The following RNF166 variants were observed in gnomAD, a reference collection of about 807,000 sequenced individuals.
The protein encoded by RNF166 is ring finger protein 166, also known as E3 ubiquitin-protein ligase RNF166.
A neutral mutation model predicts 29.4 loss-of-function variants in RNF166; 19 were observed. The observed-to-expected ratio is 0.65, with a 90% CI of 0.45 to 0.95. The LOEUF is 0.95. Among genes scored for constraint, RNF166 ranks in the 40% least tolerant of loss-of-function variants. RNF166 has a pLI of 0.00. For missense variants in RNF166, 347 were observed against 322.1 expected (o/e 1.08, Z -0.59); for synonymous variants, 171 against 134.5 (o/e 1.27, Z -1.88).
In RNF166 at chr16:88,706,110, G is replaced by T. The variant is rs556630785; in HGVS notation, c.155+61C>A. 1.2e-3 allele frequency: 1,279 copies of T among 1,063,530 alleles called. 11 individuals are homozygous for T. The African/African-American group carries it at 0.02, about 17-fold the overall frequency. 65.9% of individuals were successfully genotyped at this position (1,063,530 alleles called of 1,614,324 possible). On this transcript the variant is annotated intron_variant, in intron 1 of 5. Coordinates refer to ENST00000312838, the MANE Select transcript of RNF166 (RefSeq NM_178841.4). ...CTGCACCGGGGCGGCCGCCGGCCTC[G>T]CGACCCCTCCCGCGGCGGGGCACGG...
Position 88,698,982 on chromosome 16 carries a change from G to C in RNF166, c.529C>G (p.Pro177Ala). ...KHCVESHRSD[P>A]NRVVCPICSA... ...CAGGCACTGCTCACCACGCGGTTGG[G>C]GTCGCTGCGGTGGCTTTCCACACAG... is the stretch of plus-strand genomic sequence containing the variant. The change falls in exon 4 of 6, where the codon CCC becomes GCC. Residue 177 changes from proline to alanine, a missense_variant. Transcript: ENST00000312838. The C allele has an allele frequency of 1.3e-6, 2 of 1,595,344 alleles. No individual in the cohort carries two copies. The highest frequency in any genetic ancestry group is 1.7e-6 in the Non-Finnish European group (2 of 1,171,032).
In RNF166 at chr16:88,696,667, G is replaced by C. The variant is rs1378269498; in HGVS notation, c.*901C>G. 2.3e-6 allele frequency: 1 copy of C among 438,544 alleles called. No individual in the cohort carries two copies. The highest frequency in any genetic ancestry group is 4.5e-6 in the Non-Finnish European group (1 of 222,660). 27.2% of individuals were successfully genotyped at this position (438,544 alleles called of 1,614,324 possible). ...GGGTGCCGTCCCCTCCCGCAGCGGGGCACAGTCAGCTTTGAAGGTGACAGC... is the reference window on the plus strand; with the variant it reads ...GGGTGCCGTCCCCTCCCGCAGCGGGCCACAGTCAGCTTTGAAGGTGACAGC... On this transcript the variant is annotated 3_prime_UTR_variant, in exon 6 of 6. Transcript: ENST00000312838.
intron 1 of RNF166, chr16:88,703,073 CT>C (rs1385922911): frequency 1.0e-6 from 1 of 985,468 alleles, no homozygotes; most frequent in Admixed American, 6.1e-5. Context: ...ACCGGAAGGC[CT>C]GGAAAACAGT....
At chr16:88,701,168 G>A in intron 2 of RNF166, 94 bp downstream of exon 2, 1 of 1,499,442 alleles carries the variant, frequency 6.7e-7, no homozygotes, top group South Asian at 1.1e-5. Context: ...ACAGGAAAGA[G>A]AGAGGGCCCC....
At position 88,706,257 on chromosome 16, in the gene RNF166, G is replaced by A. The variant is rs1910791396; in HGVS notation, c.69C>T (p.Gly23=). ...QRQPPAGPAG[G]DSGLEAQYTC... ...TGTACTGCGCCTCCAGGCCGCTGTCGCCGCCCGCCGGCCCGGCCGGCGGCT... is the reference window on the plus strand; with the variant it reads ...TGTACTGCGCCTCCAGGCCGCTGTCACCGCCCGCCGGCCCGGCCGGCGGCT... The change falls in exon 1 of 6, where the codon GGC becomes GGT. Residue 23 remains glycine (G), a synonymous_variant. Coordinates refer to ENST00000312838, the MANE Select transcript of RNF166 (RefSeq NM_178841.4). 3 of 1,297,170 alleles carry A rather than the reference G, an allele frequency of 2.3e-6. No individual in the cohort carries two copies. Among genetic ancestry groups the A allele is most frequent in the South Asian group, 1.9e-5 (1 of 51,626 alleles). The allele number at this position is 1,297,170 out of a possible 1,614,324, so 80.4% of individuals were successfully genotyped here. A position where few individuals can be genotyped will look rare whatever the true frequency, so the allele number is the denominator to read the frequency against.
Position 88,696,617 on chromosome 16 carries a change from A to G in RNF166, c.*951T>C, listed in dbSNP as rs765181369. On this transcript the variant is annotated 3_prime_UTR_variant, in exon 6 of 6. Transcript: ENST00000312838. ...CGGCCCGCCAAGCGGGCCCCTGCCC[A>G]GGCCCCCAAGCTCTGCCACCACTGG... 1 of 454,274 alleles carries G rather than the reference A, an allele frequency of 2.2e-6. No individual in the cohort carries two copies. Among genetic ancestry groups the G allele is most frequent in the South Asian group, 1.6e-5 (1 of 64,216 alleles). 28.1% of individuals were successfully genotyped at this position (454,274 alleles called of 1,614,324 possible). A position where few individuals can be genotyped will look rare whatever the true frequency, so the allele number is the denominator to read the frequency against.
intron 5 of RNF166, 130 bp downstream of exon 5, chr16:88,698,372 C>A: frequency 1.3e-6 from 1 of 786,638 alleles, no homozygotes; most frequent in Non-Finnish European, 2.2e-6. Context: ...GGGAATGTGG[C>A]CACCTGAAAC....
chr16:88,704,788 G>A (rs1910606087), intron 1 of RNF166, among the ~76,000 whole-genome samples: 1 of 152,206 alleles, frequency 6.6e-6, no homozygotes, highest in Non-Finnish European at 1.5e-5. Flanking sequence ...TCAGGAGTTC[G>A]AGACCAGCCT....
At position 88,706,113 on chromosome 16, in the gene RNF166, ACCCCTCCCGCGGCGGGGCACGGC is replaced by A. The variant is rs1170741181; in HGVS notation, c.155+35_155+57del. 4.1e-5 allele frequency: 44 copies of A among 1,074,700 alleles called. No individual in the cohort carries two copies. The African/African-American group carries it at 7.0e-4, about 17-fold the overall frequency. 66.6% of individuals were successfully genotyped at this position (1,074,700 alleles called of 1,614,324 possible). ...CACCGGGGCGGCCGCCGGCCTCGCG[ACCCCTCCCGCGGCGGGGCACGGC>A]CCCCTCCCCGCGGCCCCTGGGCGGG... On this transcript the variant is annotated intron_variant, in intron 1 of 5. Transcript: ENST00000312838.
intron 3 of RNF166, 78 bp from the exon 4 acceptor site, chr16:88,699,163 C>T (rs528400560): frequency 7.7e-5 from 82 of 1,062,920 alleles, no homozygotes; most frequent in Non-Finnish European, 9.8e-5. Flanking sequence ...CAAACACAGG[C>T]GTGGCCCCAG....
In RNF166 at chr16:88,698,059, G is replaced by A. The variant is rs895875352; in HGVS notation, c.649-426C>T. 1.3e-5 allele frequency: 7 copies of A among 548,540 alleles called. No individual in the cohort carries two copies. The Admixed American group carries it at 1.3e-4, about 11-fold the overall frequency. 34.0% of individuals were successfully genotyped at this position (548,540 alleles called of 1,614,324 possible). Reference sequence around the variant, plus strand: ...GAACAGGGCGGCGCAGGGAGGGGCCGCACCAGGAGTGAGGAGTTTGTGCGA... The same window carrying A: ...GAACAGGGCGGCGCAGGGAGGGGCCACACCAGGAGTGAGGAGTTTGTGCGA... On this transcript the variant is annotated intron_variant, in intron 5 of 5. Transcript: ENST00000312838.
intron 2 of RNF166, among the ~76,000 whole-genome samples, chr16:88,700,350 C>T (rs902882620): frequency 3.3e-5 from 5 of 152,120 alleles, no homozygotes; most frequent in African/African-American, 9.7e-5. Context: ...CTGTGGGATA[C>T]GGGAGGCCGC....
chr16:88,701,488 C>T, intron 1 of RNF166, 70 bp from the exon 2 acceptor site: 3 of 1,420,476 alleles, frequency 2.1e-6, no homozygotes, highest in Non-Finnish European at 2.8e-6. Flanking sequence ...TTGCTCGGGG[C>T]CCTTCTTAGG....
In RNF166 at chr16:88,706,357, G is replaced by A. The variant is rs903828154; in HGVS notation, c.-32C>T. ...GCCAGGCCCGCGCCGCCCGCCGCCC[G>A]CTGTCCTGGCCCGGGCCGGCCCGCT... On this transcript the variant is annotated 5_prime_UTR_variant, in exon 1 of 6. Coordinates refer to ENST00000312838, the MANE Select transcript of RNF166 (RefSeq NM_178841.4). 5.8e-6 allele frequency: 7 copies of A among 1,213,870 alleles called. No homozygotes were observed. Among genetic ancestry groups the A allele is most frequent in the African/African-American group, 4.8e-5 (3 of 62,890 alleles). The allele number at this position is 1,213,870 out of a possible 1,614,324, so 75.2% of individuals were successfully genotyped here. A position where few individuals can be genotyped will look rare whatever the true frequency, so the allele number is the denominator to read the frequency against.
rs375456352 is a variant in RNF166, at chr16:88,697,536, C to T, written c.*32G>A. On this transcript the variant is annotated 3_prime_UTR_variant, in exon 6 of 6. Coordinates refer to ENST00000312838, the MANE Select transcript of RNF166 (RefSeq NM_178841.4). ...GACACAGGAGCGGGGACATCCCTGA[C>T]CCCAGACGCAGGCGGGTGGCTGCGC... The T allele has an allele frequency of 6.6e-7, 1 of 1,523,296 alleles. No homozygotes were observed. Among genetic ancestry groups the T allele is most frequent in the Non-Finnish European group, 8.9e-7 (1 of 1,124,974 alleles). The allele number at this position is 1,523,296 out of a possible 1,614,324, so 94.4% of individuals were successfully genotyped here. A position where few individuals can be genotyped will look rare whatever the true frequency, so the allele number is the denominator to read the frequency against.
intron 2 of RNF166, chr16:88,700,078 C>T (rs1345460954): frequency 1.7e-5 from 3 of 181,140 alleles, no homozygotes; most frequent in Non-Finnish European, 3.6e-5. Flanking sequence ...AGAAATGCCC[C>T]AGGCTGGGGA....
intron 3 of RNF166, among the ~76,000 whole-genome samples, chr16:88,699,298 C>T (rs568427541): frequency 1.3e-5 from 2 of 152,374 alleles, no homozygotes; most frequent in South Asian, 2.1e-4. Context: ...GCCAGCCAAA[C>T]GGCAGAGACT....
chr16:88,705,077 C>T (rs988231372), intron 1 of RNF166, among the ~76,000 whole-genome samples: 1 of 152,236 alleles, frequency 6.6e-6, no homozygotes, highest in African/African-American at 2.4e-5. Flanking sequence ...CCTGTAGCAG[C>T]CTCACAAGAG....
Position 88,699,742 on chromosome 16 carries a change from A to AG in RNF166, c.313-11dup. Reference sequence around the variant, plus strand: ...TCTTTGCCAGGGTCACCTAGGAGACAGGGCAGGGAGGGCAAGGCGGTCCTG... The same window carrying AG: ...TCTTTGCCAGGGTCACCTAGGAGACAGGGGCAGGGAGGGCAAGGCGGTCCTG... On this transcript the variant is annotated splice_polypyrimidine_tract_variant and intron_variant, in intron 2 of 5. Coordinates refer to ENST00000312838, the MANE Select transcript of RNF166 (RefSeq NM_178841.4). 1 of 1,603,472 alleles carries AG rather than the reference A, an allele frequency of 6.2e-7. No homozygotes were observed. Among genetic ancestry groups the AG allele is most frequent in the Non-Finnish European group, 8.5e-7 (1 of 1,172,370 alleles).
Sources: allele counts gnomAD v4.1 joint callset (sites outside exome capture counted in the v4.1 genomes callset), GRCh38; gene constraint gnomAD v4.1.1; transcripts MANE v1.5; gene names NCBI Gene and HGNC (gene_info 2026-07-23, HGNC 2026-07-21).